Variants in KIAA0319L observed in about 807,000 individuals in gnomAD.
KIAA0319L encodes dyslexia-associated protein KIAA0319-like protein.
In KIAA0319L, 55 loss-of-function variants were observed where a neutral mutation model predicts 120.1. The observed-to-expected ratio is 0.46, with a 90% confidence interval of 0.37 to 0.57. KIAA0319L has a LOEUF of 0.57. Among genes scored for constraint, KIAA0319L ranks in the 20% least tolerant of loss-of-function variants. The probability of loss-of-function intolerance (pLI) is 0.00; values close to 1 mark genes in which losing one functional copy is unlikely to be tolerated. For missense variants in KIAA0319L, 1,049 were observed against 1,255.3 expected, an observed-to-expected ratio of 0.84 and a Z score of 2.48; for synonymous variants, 398 against 471.9, an observed-to-expected ratio of 0.84 and a Z score of 2.03.
chr1:35,505,539 T>C (rs1207414676), intron 3 of KIAA0319L, among the ~76,000 whole-genome samples: 1 of 152,358 alleles, frequency 6.6e-6, no homozygotes, highest in African/African-American at 2.4e-5. Context: ...TCTTCATGTA[T>C]CAGTCTCCAC....
chr1:35,515,841 T>C (rs1645656876), intron 2 of KIAA0319L, among the ~76,000 whole-genome samples: 1 of 151,848 alleles, frequency 6.6e-6, no homozygotes, highest in Admixed American at 6.6e-5. Flanking sequence ...GATATCCAAA[T>C]AAACACAATT....
intron 9 of KIAA0319L, among the ~76,000 whole-genome samples, chr1:35,459,129 A>G (rs2149103482): frequency 6.6e-6 from 1 of 152,304 alleles, no homozygotes; most frequent in Middle Eastern, 3.4e-3. Flanking sequence ...TGCAATAGGG[A>G]AAGAGGAGAG....
intron 16 of KIAA0319L, among the ~76,000 whole-genome samples, chr1:35,445,028 A>G (rs1375865068): frequency 6.6e-6 from 1 of 152,168 alleles, no homozygotes; most frequent in East Asian, 1.9e-4. Context: ...TGAGTTTTAC[A>G]ATTAGAACCT....
intron 6 of KIAA0319L, among the ~76,000 whole-genome samples, chr1:35,468,796 T>C (rs1343091186): frequency 3.9e-5 from 6 of 152,218 alleles, no homozygotes; most frequent in Admixed American, 2.0e-4. Context: ...CCACTTGTCA[T>C]AGCACAATTA....
intron 3 of KIAA0319L, among the ~76,000 whole-genome samples, chr1:35,502,329 T>G (rs1174133142): frequency 6.6e-5 from 10 of 151,596 alleles, no homozygotes; most frequent in Admixed American, 6.6e-4. Context: ...TTCACAAGAT[T>G]TGCTGTATAG....
intron 7 of KIAA0319L, among the ~76,000 whole-genome samples, chr1:35,465,696 T>C (rs1397704750): frequency 5.9e-5 from 9 of 152,232 alleles, no homozygotes; most frequent in Admixed American, 3.9e-4. Flanking sequence ...TTTGGCTGTG[T>C]CCCCACCCAA....
chr1:35,553,548 T>C (rs1190891328), intron 2 of KIAA0319L, among the ~76,000 whole-genome samples: 4 of 152,216 alleles, frequency 2.6e-5, no homozygotes, highest in African/African-American at 4.8e-5. Flanking sequence ...CAGAAATCTT[T>C]GTAATTATAA....
chr1:35,516,741 A>G (rs986746393), intron 2 of KIAA0319L, among the ~76,000 whole-genome samples: 4 of 152,216 alleles, frequency 2.6e-5, no homozygotes, highest in Non-Finnish European at 2.9e-5. Flanking sequence ...AGGGCATTCA[A>G]ATAGGAGGCG....
chr1:35,513,288 A>ATATATATATATATATTT (rs1414704674), intron 2 of KIAA0319L, among the ~76,000 whole-genome samples: 3 of 85,298 alleles, frequency 3.5e-5, no homozygotes, highest in South Asian at 4.4e-4. Context: ...ATATATATAT[A>ATATATATATATATATTT]TTTTTTTTTT....
intron 2 of KIAA0319L, among the ~76,000 whole-genome samples, chr1:35,529,264 G>A (rs1413500688): frequency 6.6e-6 from 1 of 152,198 alleles, no homozygotes; most frequent in Non-Finnish European, 1.5e-5. Flanking sequence ...TTATTGATAT[G>A]TGAGAACTTA....
intron 2 of KIAA0319L, chr1:35,510,273 T>C (rs998001760): frequency 6.6e-6 from 1 of 152,134 alleles, no homozygotes; most frequent in Admixed American, 6.6e-5. Context: ...ATGTACTGAA[T>C]GTGGCAAATT....
intron 2 of KIAA0319L, among the ~76,000 whole-genome samples, chr1:35,513,736 G>A (rs934762111): frequency 1.1e-4 from 16 of 152,042 alleles, no homozygotes; most frequent in Non-Finnish European, 4.4e-5. Context: ...TTTCCTGACT[G>A]ACAATATAAA....
At chr1:35,442,616 A>G (rs909920705) in intron 18 of KIAA0319L, among the ~76,000 whole-genome samples, 5 of 152,248 alleles carry the variant, frequency 3.3e-5, no homozygotes, top group African/African-American at 9.6e-5. Context: ...ATTAGGCTAC[A>G]GCACGGAGGC....
chr1:35,460,534 G>T, intron 8 of KIAA0319L, 97 bp from the exon 9 acceptor site: 1 of 1,142,582 alleles, frequency 8.8e-7, no homozygotes. Flanking sequence ...GAGATTTGAA[G>T]CTAGGAAAAC....
chr1:35,486,333 A>C (rs1367418851), intron 3 of KIAA0319L, among the ~76,000 whole-genome samples: 3 of 149,048 alleles, frequency 2.0e-5, no homozygotes, highest in Non-Finnish European at 4.5e-5. Flanking sequence ...GCAGTGAGCC[A>C]TGATCACACC....
intron 3 of KIAA0319L, among the ~76,000 whole-genome samples, chr1:35,491,167 T>C (rs1234141305): frequency 1.3e-5 from 2 of 151,982 alleles, no homozygotes; most frequent in African/African-American, 2.4e-5. Flanking sequence ...AGAATTTCAA[T>C]AGAAACTACT....
At chr1:35,459,554 G>A (rs932997866) in intron 9 of KIAA0319L, among the ~76,000 whole-genome samples, 7 of 150,882 alleles carry the variant, frequency 4.6e-5, no homozygotes, top group African/African-American at 1.7e-4. Flanking sequence ...CCGAAATCAC[G>A]CCACTGCACC....
intron 2 of KIAA0319L, among the ~76,000 whole-genome samples, chr1:35,512,479 A>G (rs575032792): frequency 1.3e-5 from 2 of 152,190 alleles, no homozygotes; most frequent in African/African-American, 2.4e-5. Context: ...AAGGAAACAA[A>G]AGCCTAGTTG....
intron 2 of KIAA0319L, among the ~76,000 whole-genome samples, chr1:35,524,573 A>G (rs920779333): frequency 6.6e-6 from 1 of 152,170 alleles, no homozygotes; most frequent in Admixed American, 6.5e-5. Flanking sequence ...TTTTATTCCT[A>G]AATTATTGCT....
Sources: allele counts gnomAD v4.1 joint callset (sites outside exome capture counted in the v4.1 genomes callset), GRCh38; gene constraint gnomAD v4.1.1; transcripts MANE v1.5; gene names NCBI Gene and HGNC (gene_info 2026-07-23, HGNC 2026-07-21).